The following WDR37 variants were observed in gnomAD, a reference collection of about 807,000 sequenced individuals.
WDR37 encodes WD repeat-containing protein 37.
WDR37 carries 19 observed loss-of-function variants against 62.9 expected under a neutral mutation model. The observed-to-expected ratio is 0.30, with a 90% confidence interval of 0.21 to 0.44. The LOEUF (loss-of-function observed/expected upper bound fraction) is 0.44. Among genes scored for constraint, WDR37 ranks in the 20% least tolerant of loss-of-function variants. The pLI is 1.00. For missense variants in WDR37, 474 were observed against 657.6 expected, an observed-to-expected ratio of 0.72 and a Z score of 3.05; for synonymous variants, 250 against 260.9, an observed-to-expected ratio of 0.96 and a Z score of 0.40.
At chr10:1,085,570 T>A (rs1407555069) in intron 6 of WDR37, among the ~76,000 whole-genome samples, 2 of 152,352 alleles carry the variant, frequency 1.3e-5, no homozygotes, top group Middle Eastern at 3.4e-3. Context: ...TTACAAATGA[T>A]GCTCATTGAA....
intron 13 of WDR37, among the ~76,000 whole-genome samples, chr10:1,126,474 C>T (rs933085845): frequency 2.0e-5 from 3 of 152,140 alleles, no homozygotes; most frequent in Admixed American, 6.5e-5. Flanking sequence ...AATGGAGGCC[C>T]CCCCAGAGGA....
At position 1,105,226 on chromosome 10, in the gene WDR37, C is replaced by T; in HGVS notation, c.1062C>T (p.Asp354=). Residue 354 remains aspartate, a synonymous_variant, in exon 11 of 14, where the codon GAC becomes GAT. Transcript: ENST00000263150. The surrounding 1 kb of genome is among the most constrained non-coding windows in gnomAD (Gnocchi z 5.3). ...DTTFRLWDFR[D]PSIHSVNVFQ... is the part of the protein sequence containing the mutation. ...CTTTCCGCCTCTGGGATTTCAGGGA[C>T]CCCTCCATCCACTCGGTGAATGTTT... 3.1e-6 allele frequency: 5 copies of T among 1,614,128 alleles called. No homozygotes were observed. The highest frequency in any genetic ancestry group is 4.2e-6 in the Non-Finnish European group (5 of 1,180,024).
chr10:1,097,879 G>A (rs955407665), intron 9 of WDR37, among the ~76,000 whole-genome samples: 4 of 152,164 alleles, frequency 2.6e-5, no homozygotes, highest in African/African-American at 7.2e-5. Context: ...TTTGGGTTCC[G>A]TGGTTTACGG....
Position 1,062,178 on chromosome 10 carries a change from G to T in WDR37, c.-41+5210G>T, listed in dbSNP as rs555713349. 2.0e-5 allele frequency among the ~76,000 whole-genome samples: 3 copies of T among 152,298 alleles called. No individual in the cohort carries two copies. The South Asian group carries it at 6.2e-4, about 32-fold the overall frequency. On this transcript the variant is annotated intron_variant, in intron 1 of 13. Transcript: ENST00000263150. ...AATCTGTATTTGGTGCCAAGTTCCA[G>T]GGAGGTGATTGTAGGAAATGCATAC... is the stretch of plus-strand genomic sequence containing the variant.
At chr10:1,104,390 C>T (rs1195463773) in intron 10 of WDR37, among the ~76,000 whole-genome samples, 1 of 152,266 alleles carries the variant, frequency 6.6e-6, no homozygotes, top group Admixed American at 6.5e-5. Flanking sequence ...CCTGGGGCCC[C>T]TGCACAGGGC....
At chr10:1,126,788 A>G (rs1835801223) in intron 13 of WDR37, among the ~76,000 whole-genome samples, 1 of 152,204 alleles carries the variant, frequency 6.6e-6, no homozygotes, top group East Asian at 1.9e-4. Flanking sequence ...GGTAGCACAG[A>G]CTTTCTGGAA....
At chr10:1,114,454 A>T (rs1835322040) in intron 11 of WDR37, among the ~76,000 whole-genome samples, 2 of 152,370 alleles carry the variant, frequency 1.3e-5, no homozygotes, top group South Asian at 4.1e-4. Flanking sequence ...ATGACTTACC[A>T]AAGGCTCAGA....
chr10:1,123,551 C>T (rs568929764), intron 11 of WDR37, among the ~76,000 whole-genome samples: 7 of 152,290 alleles, frequency 4.6e-5, no homozygotes, highest in African/African-American at 1.4e-4. Flanking sequence ...TCTTTTTTTA[C>T]GACTGAATAA....
At chr10:1,080,364 G>A (rs1376698153) in intron 4 of WDR37, 48 bp from the exon 5 acceptor site, 2 of 1,612,518 alleles carry the variant, frequency 1.2e-6, no homozygotes, top group South Asian at 2.2e-5. Context: ...GAGGCTATAG[G>A]TCTTTGATTG....
At chr10:1,085,251 C>T (rs1216180918) in intron 6 of WDR37, among the ~76,000 whole-genome samples, 1 of 152,006 alleles carries the variant, frequency 6.6e-6, no homozygotes, top group Non-Finnish European at 1.5e-5. Flanking sequence ...GGATTACAGG[C>T]GTGAGCCATC....
intron 1 of WDR37, among the ~76,000 whole-genome samples, chr10:1,069,389 A>ATATTTTTTTTTTTTTTTTTTT: frequency 1.0e-5 from 1 of 95,806 alleles, no homozygotes; most frequent in Non-Finnish European, 1.9e-5. Context: ...ATATATATAT[A>ATATTTTTTTTTTTTTTTTTTT]TTTTTTTTTT....
At position 1,072,592 on chromosome 10, in the gene WDR37, G is replaced by A. The variant is rs186061488; in HGVS notation, c.138+299G>A. ...CCCTCCCAAAGTGTTAGGATTACAG[G>A]CGTGAGCCACCGGCCCCGGGATCAA... On this transcript the variant is annotated intron_variant, in intron 2 of 13. Transcript: ENST00000263150. Among the ~76,000 whole-genome samples, 3 of 152,296 alleles carry A rather than the reference G, an allele frequency of 2.0e-5. No homozygotes were observed. In the East Asian group the frequency reaches 5.8e-4, roughly 29 times the overall value.
At chr10:1,068,082 G>C (rs920228285) in intron 1 of WDR37, among the ~76,000 whole-genome samples, 1 of 152,146 alleles carries the variant, frequency 6.6e-6, no homozygotes, top group African/African-American at 2.4e-5. Flanking sequence ...GTGTGAGTCG[G>C]GGGCGGAGGG....
rs567136611 is a variant in WDR37, at chr10:1,131,037, G to A, written c.*1693G>A. 4 of 152,286 alleles carry A rather than the reference G, an allele frequency of 2.6e-5. No individual in the cohort carries two copies. The East Asian group carries it at 5.8e-4, about 22-fold the overall frequency. 9.4% of individuals were successfully genotyped at this position (152,286 alleles called of 1,614,324 possible). ...TAAAAAATGTGTTGTGTTTTTGTCCGACATTATTTCCTGACTGCACTGTTC... is the reference window on the plus strand; with the variant it reads ...TAAAAAATGTGTTGTGTTTTTGTCCAACATTATTTCCTGACTGCACTGTTC... On this transcript the variant is annotated 3_prime_UTR_variant, in exon 14 of 14. Coordinates refer to ENST00000263150, the MANE Select transcript of WDR37 (RefSeq NM_014023.4).
intron 7 of WDR37, among the ~76,000 whole-genome samples, chr10:1,089,308 C>T (rs4880474): frequency 0.065 from 9,840 of 152,150 alleles, 422 homozygotes; most frequent in East Asian, 0.17. Flanking sequence ...ACTGCACCCT[C>T]GCTCCGGCTG....
In WDR37 at chr10:1,086,360, A is replaced by G. The variant is rs1253295396; in HGVS notation, c.604+3A>G. ...GTACGCAGGCCACGTGGGCTCAGGT[A>G]AGCACTGCCTAAGGAGTGCCGTAGC... On this transcript the variant is annotated splice_donor_region_variant and intron_variant, in intron 7 of 13. Transcript: ENST00000263150. The G allele has an allele frequency of 6.2e-7, 1 of 1,613,638 alleles. No homozygotes were observed. The highest frequency in any genetic ancestry group is 1.7e-5 in the Admixed American group (1 of 60,024).
intron 1 of WDR37, among the ~76,000 whole-genome samples, chr10:1,059,515 C>A (rs1042025916): frequency 6.7e-6 from 1 of 150,102 alleles, no homozygotes; most frequent in Non-Finnish European, 1.5e-5. Context: ...TGAAAAGAAT[C>A]TGGCCAGGCG....
At chr10:1,124,119 C>G in intron 11 of WDR37, 99 bp from the exon 12 acceptor site, 1 of 1,546,218 alleles carries the variant, frequency 6.5e-7, no homozygotes, top group Non-Finnish European at 8.8e-7. Context: ...TTGCGCTTCT[C>G]CGACCTCCTT....
At chr10:1,112,868 C>T (rs1589117379) in intron 11 of WDR37, among the ~76,000 whole-genome samples, 1 of 152,184 alleles carries the variant, frequency 6.6e-6, no homozygotes, top group Non-Finnish European at 1.5e-5. Flanking sequence ...GGAAGGAAGC[C>T]GTCTCCATAA....
Sources: gnomAD v4.1 joint callset for allele counts (sites outside exome capture counted in the v4.1 genomes callset) on GRCh38, gnomAD v4.1.1 for gene constraint, Gnocchi (gnomAD v3.1) non-coding constraint, MANE v1.5 for transcripts, NCBI Gene and HGNC (gene_info 2026-07-23, HGNC 2026-07-21) for gene names.